SRRM4: variants seen among roughly 807,000 people sequenced by gnomAD.
The protein encoded by SRRM4 is serine/arginine repetitive matrix protein 4.
SRRM4 carries 33 observed loss-of-function variants against 68.9 expected under a neutral mutation model. The ratio of observed to expected loss-of-function variants is 0.48; its 90% confidence interval spans 0.36 to 0.64. SRRM4 has a LOEUF of 0.64. SRRM4 is among the 30% of genes least tolerant of loss of function. SRRM4 has a pLI of 0.00. For synonymous variants in SRRM4, 318 were observed against 318.8 expected (o/e 1.00, Z 0.03); for missense variants, 817 against 827.1 (o/e 0.99, Z 0.15).
rs956470774 is a variant in SRRM4 at position 119,123,891 on chromosome 12, G to A, written c.516-1490G>A. Among the ~76,000 whole-genome samples, 3 of 152,144 alleles carry A rather than the reference G, an allele frequency of 2.0e-5. No homozygotes were observed. In the East Asian group the frequency reaches 5.8e-4, roughly 29 times the overall value. On this transcript the variant is annotated intron_variant, in intron 6 of 12. Transcript: ENST00000267260. ...CTCACAGGAGCCAGACATAGGGCTG[G>A]TCACAGAACAGCAGACGAAACCCTG...
intron 1 of SRRM4, among the ~76,000 whole-genome samples, chr12:119,016,245 C>G (rs756312510): frequency 6.6e-6 from 1 of 152,074 alleles, no homozygotes; most frequent in African/African-American, 2.4e-5. Flanking sequence ...GGATTTCTAG[C>G]CTCCATAACT....
At chr12:119,027,654 T>TG (rs925724371) in intron 1 of SRRM4, among the ~76,000 whole-genome samples, 30 of 152,086 alleles carry the variant, frequency 2.0e-4, no homozygotes, top group East Asian at 7.7e-4. Flanking sequence ...ATAGATAACC[T>TG]GGGGGGGCAC....
chr12:119,156,738 G>A lies in SRRM4; in HGVS notation c.1776G>A (p.Arg592=), dbSNP rs1020154840. ...GGAGCAGGAGCCGGAGCCGGAGCCG[G>A]AGCAGGAGCCAGAGCCGGAGCTACA... ...RSRSRSRSRS[R]SRSQSRSYSS... Residue 592 remains arginine, a synonymous_variant, in exon 13 of 13, where the codon CGG becomes CGA. Coordinates refer to ENST00000267260, the MANE Select transcript of SRRM4 (RefSeq NM_194286.4). 5 of 1,546,588 alleles carry A rather than the reference G, an allele frequency of 3.2e-6. No individual in the cohort carries two copies. The highest frequency in any genetic ancestry group is 1.4e-5 in the African/African-American group (1 of 72,964).
rs541336755 is a variant in SRRM4, at chr12:119,038,114, C to T, written c.131+56101C>T. 1.1e-4 allele frequency among the ~76,000 whole-genome samples: 17 copies of T among 152,300 alleles called. No individual in the cohort carries two copies. In the East Asian group the frequency reaches 3.3e-3, roughly 29 times the overall value. Reference sequence around the variant, plus strand: ...AAAGATCAAGTAGGCATGGCCTCTGCCTTCTTTGTGTTGACAGTCCAGTAG... The same window carrying T: ...AAAGATCAAGTAGGCATGGCCTCTGTCTTCTTTGTGTTGACAGTCCAGTAG... On this transcript the variant is annotated intron_variant, in intron 1 of 12. Transcript: ENST00000267260.
At chr12:119,007,517 C>G (rs770686047) in intron 1 of SRRM4, among the ~76,000 whole-genome samples, 25 of 151,878 alleles carry the variant, frequency 1.6e-4, no homozygotes, top group Non-Finnish European at 3.5e-4. Flanking sequence ...GTCTGATTAC[C>G]TTGCCATGTA....
chr12:118,999,843 T>C (rs1377152563), intron 1 of SRRM4, among the ~76,000 whole-genome samples: 1 of 152,226 alleles, frequency 6.6e-6, no homozygotes, highest in African/African-American at 2.4e-5. Flanking sequence ...TTGTTAATAC[T>C]TTGCATATAT....
intron 1 of SRRM4, among the ~76,000 whole-genome samples, chr12:119,027,096 G>A (rs1157764057): frequency 1.3e-5 from 2 of 152,118 alleles, no homozygotes; most frequent in Admixed American, 1.3e-4. Flanking sequence ...CTGGCATCTT[G>A]GAATCCCAAG....
At chr12:119,079,515 C>G (rs992826640) in intron 1 of SRRM4, among the ~76,000 whole-genome samples, 1 of 152,144 alleles carries the variant, frequency 6.6e-6, no homozygotes, top group African/African-American at 2.4e-5. Flanking sequence ...GGCATTTGGT[C>G]TCTGATTGCT....
chr12:119,000,287 G>A (rs1027641146), intron 1 of SRRM4, among the ~76,000 whole-genome samples: 5 of 152,200 alleles, frequency 3.3e-5, no homozygotes, highest in Admixed American at 6.5e-5. Context: ...CCTCGGAGTC[G>A]TTTTACAGGA....
At position 118,981,932 on chromosome 12, in the gene SRRM4, G is replaced by C. The variant is rs771660721; in HGVS notation, c.50G>C (p.Arg17Pro). The C allele has an allele frequency of 6.2e-7, 1 of 1,613,224 alleles. No homozygotes were observed. The highest frequency in any genetic ancestry group is 8.5e-7 in the Non-Finnish European group (1 of 1,179,692). Residue 17 changes from arginine to proline, a missense_variant, in exon 1 of 13, where the codon CGA (arginine) becomes CCA (proline). By Grantham distance (103) the Arg-to-Pro change is moderately radical (BLOSUM62 -2). Coordinates refer to ENST00000267260, the MANE Select transcript of SRRM4 (RefSeq NM_194286.4). ...AAGCAGCTTTTTGAGAAGTTCTGGC[G>C]AGGAACCTTCAAAGCGGTGGCCACC... ...GEKQLFEKFW[R>P]GTFKAVATPR...
chr12:119,033,603 G>A (rs1034393535), intron 1 of SRRM4, among the ~76,000 whole-genome samples: 8 of 151,448 alleles, frequency 5.3e-5, no homozygotes, highest in African/African-American at 1.7e-4. Context: ...GGCGGAGGTC[G>A]CCGTGAGCAG....
At position 119,017,002 on chromosome 12, in the gene SRRM4, T is replaced by C. The variant is rs537592503; in HGVS notation, c.131+34989T>C. The stretch of plus-strand genomic sequence containing the variant: ...AATTAAATGAGATGATATTTGTAAA[T>C]ACTATGGGGTCTGGAATATGAAAAG... On this transcript the variant is annotated intron_variant, in intron 1 of 12. Coordinates refer to ENST00000267260, the MANE Select transcript of SRRM4 (RefSeq NM_194286.4). Among the ~76,000 whole-genome samples the C allele has an allele frequency of 5.9e-5, 9 of 152,354 alleles. No homozygotes were observed. In the South Asian group the frequency reaches 1.9e-3, roughly 32 times the overall value.
chr12:119,042,078 A>G (rs1319391348), intron 1 of SRRM4, among the ~76,000 whole-genome samples: 2 of 152,188 alleles, frequency 1.3e-5, no homozygotes, highest in Non-Finnish European at 2.9e-5. Context: ...TTCGCGGATG[A>G]CAAGAGTCTT....
At chr12:119,113,016 A>G (rs1226774003) in intron 2 of SRRM4, among the ~76,000 whole-genome samples, 1 of 152,220 alleles carries the variant, frequency 6.6e-6, no homozygotes, top group Non-Finnish European at 1.5e-5. Context: ...CATTCAGGAA[A>G]GCAAATTAGT....
Position 119,154,447 on chromosome 12 carries a change from C to T in SRRM4, c.1532+64C>T. 1 of 1,574,236 alleles carries T rather than the reference C, an allele frequency of 6.4e-7. No individual in the cohort carries two copies. The highest frequency in any genetic ancestry group is 8.7e-7 in the Non-Finnish European group (1 of 1,155,218). ...GTTCCCACTCCCATTCTTACTCATT[C>T]GAGCCTCAGGCTCTCCCTAGGCCTC... On this transcript the variant is annotated intron_variant, in intron 12 of 12. Coordinates refer to ENST00000267260, the MANE Select transcript of SRRM4 (RefSeq NM_194286.4). This position sits in a 1 kb window ranked among gnomAD's most constrained non-coding sequence, Gnocchi z 4.7.
chr12:119,083,169 G>A (rs1264039827), intron 1 of SRRM4, among the ~76,000 whole-genome samples: 1 of 151,932 alleles, frequency 6.6e-6, no homozygotes, highest in Non-Finnish European at 1.5e-5. Flanking sequence ...AGCCAGTGTT[G>A]TCACTGACCT....
intron 3 of SRRM4, among the ~76,000 whole-genome samples, chr12:119,116,220 C>A: frequency 6.6e-6 from 1 of 152,168 alleles, no homozygotes; most frequent in East Asian, 1.9e-4. Flanking sequence ...CCTTGACATG[C>A]CCAAGGTGGC....
chr12:119,066,349 T>A (rs992058505), intron 1 of SRRM4, among the ~76,000 whole-genome samples: 1 of 152,232 alleles, frequency 6.6e-6, no homozygotes, highest in Non-Finnish European at 1.5e-5. Context: ...AATGAGGTCA[T>A]CTAATTCTGC....
At chr12:119,009,249 G>A (rs140992188) in intron 1 of SRRM4, among the ~76,000 whole-genome samples, 37 of 152,270 alleles carry the variant, frequency 2.4e-4, no homozygotes, top group African/African-American at 8.9e-4. Context: ...AGACCCCGGG[G>A]ACTGGACGAG....
Sources: gnomAD v4.1 joint callset for allele counts (sites outside exome capture counted in the v4.1 genomes callset) on GRCh38, gnomAD v4.1.1 for gene constraint, Gnocchi (gnomAD v3.1) non-coding constraint, MANE v1.5 for transcripts, NCBI Gene and HGNC (gene_info 2026-07-23, HGNC 2026-07-21) for gene names.